HS6ST2: variants seen among roughly 807,000 people sequenced by gnomAD.
The protein encoded by HS6ST2 is heparan-sulfate 6-O-sulfotransferase 2.
HS6ST2 carries 17 observed loss-of-function variants against 33.0 expected under a neutral mutation model. The ratio of observed to expected loss-of-function variants is 0.52; its 90% CI spans 0.35 to 0.77. The LOEUF (loss-of-function observed/expected upper bound fraction) is 0.77. Among genes scored for constraint, HS6ST2 ranks in the 30% least tolerant of loss-of-function variants. HS6ST2 has a pLI of 0.01. For missense variants in HS6ST2, 519 were observed against 551.7 expected (o/e 0.94, Z 0.59); for synonymous variants, 248 against 237.1 (o/e 1.05, Z -0.42).
chrX:132,886,816 G>A (rs1021852097), intron 2 of HS6ST2, among the ~76,000 whole-genome samples: 1 of 111,476 alleles, frequency 9.0e-6, no homozygotes, highest in Non-Finnish European at 1.9e-5. Context: ...AACAATGGAG[G>A]CTGTAGGTAG....
chrX:132,932,970 T>C (rs1369339154), intron 2 of HS6ST2, among the ~76,000 whole-genome samples: 1 of 107,382 alleles, frequency 9.3e-6, no homozygotes, highest in Non-Finnish European at 1.9e-5. Flanking sequence ...TTATATAATA[T>C]AGACATTATA....
At chrX:132,629,966 G>A (rs1458391596) in intron 4 of HS6ST2, among the ~76,000 whole-genome samples, 1 of 112,408 alleles carries the variant, frequency 8.9e-6, no homozygotes, top group African/African-American at 3.2e-5. Flanking sequence ...TTTGCTGTAT[G>A]GCTGTCTTCT....
rs375332201 is a variant in HS6ST2, at chrX:132,689,851, C to T, written c.980+18611G>A. On this transcript the variant is annotated intron_variant, in intron 3 of 4. Coordinates refer to ENST00000370833, the MANE Select transcript of HS6ST2 (RefSeq NM_001394073.1). ...CTTTGAATGCAGCCCAACACAAATT[C>T]GTAAGCTTTCTTAAAACATTATGAG... Among the ~76,000 whole-genome samples the T allele has an allele frequency of 1.5e-4, 16 of 108,055 alleles. No homozygotes were observed. The East Asian group carries it at 3.5e-3, about 24-fold the overall frequency. 93.8% of individuals were successfully genotyped at this position (108,055 alleles called of 115,157 possible).
intron 2 of HS6ST2, among the ~76,000 whole-genome samples, chrX:132,763,291 A>T (rs2064818645): frequency 8.9e-6 from 1 of 112,549 alleles, no homozygotes; most frequent in Non-Finnish European, 1.9e-5. Flanking sequence ...TCCCACGAGT[A>T]AAAGTTTTAA....
At chrX:132,691,188 G>A (rs907127324) in intron 3 of HS6ST2, among the ~76,000 whole-genome samples, 13 of 111,480 alleles carry the variant, frequency 1.2e-4, no homozygotes, top group Non-Finnish European at 2.3e-4. Context: ...GAGGACAAAG[G>A]GTAAGTCATT....
chrX:132,960,403 G>A (rs1185743879), upstream of HS6ST2, among the ~76,000 whole-genome samples: 1 of 111,144 alleles, frequency 9.0e-6, no homozygotes, highest in Non-Finnish European at 1.9e-5. Flanking sequence ...ACCTTTGTAT[G>A]TAATGGCATT....
chrX:132,659,044 T>A (rs1298110272), intron 4 of HS6ST2, among the ~76,000 whole-genome samples: 1 of 111,999 alleles, frequency 8.9e-6, no homozygotes, highest in African/African-American at 3.2e-5. Flanking sequence ...TATAAATGTA[T>A]CCTTCAAGCA....
chrX:132,772,450 A>G (rs1219074544), intron 2 of HS6ST2, among the ~76,000 whole-genome samples: 1 of 108,965 alleles, frequency 9.2e-6, no homozygotes, highest in African/African-American at 3.3e-5. Context: ...TTGTGCTGGC[A>G]AGGCCATTTC....
chrX:132,844,185 T>C (rs2065729642), intron 2 of HS6ST2, among the ~76,000 whole-genome samples: 1 of 111,231 alleles, frequency 9.0e-6, no homozygotes, highest in African/African-American at 3.3e-5. Context: ...TGAAGGAGGT[T>C]TCCTGGACTC....
intron 3 of HS6ST2, among the ~76,000 whole-genome samples, chrX:132,703,466 T>A (rs990714152): frequency 4.4e-5 from 5 of 112,607 alleles, no homozygotes; most frequent in Non-Finnish European, 7.5e-5. Flanking sequence ...CAGGAGTGAC[T>A]GTACTGCATT....
At chrX:132,930,750 T>G (rs2066760363) in intron 2 of HS6ST2, among the ~76,000 whole-genome samples, 1 of 110,825 alleles carries the variant, frequency 9.0e-6, no homozygotes. Context: ...GAGAGACCAG[T>G]GAAAAGTCCA....
intron 2 of HS6ST2, among the ~76,000 whole-genome samples, chrX:132,872,899 G>A (rs1202427292): frequency 1.8e-5 from 2 of 111,461 alleles, no homozygotes; most frequent in Admixed American, 1.9e-4. Flanking sequence ...TCAAAGCTCT[G>A]CAGAGGCCCA....
At chrX:132,794,574 G>GATGATGATGATGATGATGATT (rs916088563) in intron 2 of HS6ST2, among the ~76,000 whole-genome samples, 19 of 99,065 alleles carry the variant, frequency 1.9e-4, no homozygotes, top group African/African-American at 7.1e-4. Context: ...TGATGATGAT[G>GATGATGATGATGATGATGATT]ATTATTATTA....
chrX:132,728,974 C>A (rs2064426716), intron 2 of HS6ST2, among the ~76,000 whole-genome samples: 1 of 112,632 alleles, frequency 8.9e-6, no homozygotes, highest in Admixed American at 9.4e-5. Flanking sequence ...CTGTATCACT[C>A]CCTGGGCAGG....
At chrX:132,893,462 T>C (rs2066336376) in intron 2 of HS6ST2, among the ~76,000 whole-genome samples, 1 of 111,880 alleles carries the variant, frequency 8.9e-6, no homozygotes, top group Non-Finnish European at 1.9e-5. Flanking sequence ...GCAGAGTGAG[T>C]GGCCCAGATG....
At chrX:132,882,282 G>C (rs1257988405) in intron 2 of HS6ST2, among the ~76,000 whole-genome samples, 1 of 111,361 alleles carries the variant, frequency 9.0e-6, no homozygotes, top group East Asian at 2.8e-4. Flanking sequence ...CCATTTGTTT[G>C]TGTCCTCTTT....
At chrX:132,736,376 A>T (rs758805553) in intron 2 of HS6ST2, among the ~76,000 whole-genome samples, 2 of 112,121 alleles carry the variant, frequency 1.8e-5, no homozygotes, top group South Asian at 7.5e-4. Flanking sequence ...AAACACACAC[A>T]TATAGCTTCT....
At chrX:132,700,585 T>C (rs1440354937) in intron 3 of HS6ST2, among the ~76,000 whole-genome samples, 1 of 108,820 alleles carries the variant, frequency 9.2e-6, no homozygotes, top group Non-Finnish European at 1.9e-5. Context: ...GTCAAGACCG[T>C]GAGACCAAAC....
intron 3 of HS6ST2, among the ~76,000 whole-genome samples, chrX:132,698,510 G>A (rs754380682): frequency 3.5e-4 from 39 of 111,682 alleles, no homozygotes; most frequent in African/African-American, 9.7e-4. Context: ...AAACATGGGC[G>A]TGCTTATCAC....
Sources: allele counts gnomAD v4.1 joint callset (sites outside exome capture counted in the v4.1 genomes callset), GRCh38; gene constraint gnomAD v4.1.1; transcripts MANE v1.5; gene names NCBI Gene and HGNC (gene_info 2026-07-23, HGNC 2026-07-21).